Variants in TTC7B observed in about 807,000 individuals in gnomAD.
TTC7B encodes the protein tetratricopeptide repeat protein 7B.
A neutral mutation model predicts 106.8 loss-of-function variants in TTC7B; 28 were observed. The observed-to-expected ratio is 0.26, with a 90% CI of 0.19 to 0.36. The LOEUF is 0.36. Among genes scored for constraint, TTC7B ranks in the 10% least tolerant of loss-of-function variants. The pLI is 1.00. For missense variants in TTC7B, 862 were observed against 1,076.4 expected, an observed-to-expected ratio of 0.80 and a Z score of 2.79; for synonymous variants, 405 against 430.6, an observed-to-expected ratio of 0.94 and a Z score of 0.74.
In TTC7B at chr14:90,540,384, C is replaced by T. The variant is rs1419993818; in HGVS notation, c.*984G>A. 3 of 152,188 alleles carry T rather than the reference C, an allele frequency of 2.0e-5. No individual in the cohort carries two copies. The highest frequency in any genetic ancestry group is 4.8e-5 in the African/African-American group (2 of 41,428). The allele number at this position is 152,188 out of a possible 1,614,324, so 9.4% of individuals were successfully genotyped here. A position where few individuals can be genotyped will look rare whatever the true frequency, so the allele number is the denominator to read the frequency against. On this transcript the variant is annotated 3_prime_UTR_variant, in exon 20 of 20. Transcript: ENST00000328459. ...TCGAGGCTGCAGTGATCTGTGATCGCACCACTGAACTCCAGCCTGGGAAAC... is the reference window on the plus strand; with the variant it reads ...TCGAGGCTGCAGTGATCTGTGATCGTACCACTGAACTCCAGCCTGGGAAAC...
intron 7 of TTC7B, among the ~76,000 whole-genome samples, chr14:90,688,123 T>G (rs984669755): frequency 6.6e-6 from 1 of 152,244 alleles, no homozygotes; most frequent in South Asian, 2.1e-4. Context: ...GAAAAGGTCT[T>G]CAATATTTAT....
At chr14:90,713,855 G>A (rs1335724026) in intron 5 of TTC7B, among the ~76,000 whole-genome samples, 1 of 152,186 alleles carries the variant, frequency 6.6e-6, no homozygotes, top group Non-Finnish European at 1.5e-5. Context: ...AATAATGACA[G>A]CTCCACAATA....
intron 5 of TTC7B, among the ~76,000 whole-genome samples, chr14:90,725,213 G>A (rs1046301694): frequency 6.6e-6 from 1 of 152,214 alleles, no homozygotes; most frequent in Admixed American, 6.5e-5. Context: ...CAGAAGGCCA[G>A]AATGCAAAGG....
intron 19 of TTC7B, among the ~76,000 whole-genome samples, chr14:90,573,789 C>A (rs1013482569): frequency 1.3e-5 from 2 of 152,238 alleles, no homozygotes; most frequent in Admixed American, 1.3e-4. Flanking sequence ...TTTTCTCAAC[C>A]TGTCAAAGGG....
chr14:90,775,516 C>G (rs8018871), intron 3 of TTC7B, among the ~76,000 whole-genome samples: 48,138 of 151,964 alleles, frequency 0.32, 10,738 homozygotes, highest in African/African-American at 0.64. Context: ...TCCACCCCAG[C>G]AGCAGGGAGG....
In TTC7B at chr14:90,537,763, C is replaced by T. The variant is rs2083125261; in HGVS notation, c.*3605G>A. ...AACAGCAGCCCTGCCACTCCCTACA[C>T]CCCTTCCCTGGCTTCATCTTTCTCC... On this transcript the variant is annotated 3_prime_UTR_variant, in exon 20 of 20. Coordinates refer to ENST00000328459, the MANE Select transcript of TTC7B (RefSeq NM_001010854.2). The T allele has an allele frequency of 6.6e-6, 1 of 152,228 alleles. No individual in the cohort carries two copies. The highest frequency in any genetic ancestry group is 1.5e-5 in the Non-Finnish European group (1 of 68,112). 9.4% of individuals were successfully genotyped at this position (152,228 alleles called of 1,614,324 possible).
intron 9 of TTC7B, among the ~76,000 whole-genome samples, chr14:90,660,417 A>AAAAAGAAAAGAAAAG (rs568271088): frequency 4.2e-5 from 5 of 119,428 alleles, no homozygotes; most frequent in Non-Finnish European, 8.4e-5. Context: ...AAAAAAAAAA[A>AAAAAGAAAAGAAAAG]AAAAGAAAAG....
chr14:90,787,547 GTCCTAA>G (rs1392632993), intron 1 of TTC7B, among the ~76,000 whole-genome samples: 1 of 152,100 alleles, frequency 6.6e-6, no homozygotes, highest in East Asian at 1.9e-4. Context: ...TAACATCCTG[GTCCTAA>G]AAAGAAGACT....
intron 15 of TTC7B, among the ~76,000 whole-genome samples, chr14:90,629,794 GC>G (rs377290805): frequency 6.4e-4 from 98 of 152,294 alleles, no homozygotes; most frequent in African/African-American, 2.2e-3. Flanking sequence ...GCCCAGCCTC[GC>G]CTCTCCCAGC....
intron 18 of TTC7B, among the ~76,000 whole-genome samples, chr14:90,584,834 T>A (rs910547352): frequency 2.0e-5 from 3 of 152,010 alleles, no homozygotes; most frequent in African/African-American, 7.2e-5. Flanking sequence ...GATCGCAGGG[T>A]GTCTGCTAGC....
At chr14:90,605,611 C>T (rs770483684) in intron 17 of TTC7B, 70 of 1,283,612 alleles carry the variant, frequency 5.5e-5, no homozygotes, top group Admixed American at 2.6e-4. Context: ...AGAGGGTTCC[C>T]GGCGGGGACC....
chr14:90,555,892 T>C (rs1890278720), intron 19 of TTC7B, among the ~76,000 whole-genome samples: 1 of 152,242 alleles, frequency 6.6e-6, no homozygotes, highest in Non-Finnish European at 1.5e-5. Flanking sequence ...TCCATGCACC[T>C]GGGTGCTGCT....
At chr14:90,642,554 A>C (rs1885227766) in intron 15 of TTC7B, 7 of 152,256 alleles carry the variant, frequency 4.6e-5, no homozygotes, top group Admixed American at 4.6e-4. Flanking sequence ...CTCTGTAGAC[A>C]ATCAGAACCT....
intron 13 of TTC7B, among the ~76,000 whole-genome samples, chr14:90,649,419 G>T (rs925702921): frequency 3.9e-5 from 6 of 152,136 alleles, no homozygotes; most frequent in African/African-American, 1.4e-4. Context: ...AGCCCCTTTG[G>T]TATGCCACAG....
intron 9 of TTC7B, among the ~76,000 whole-genome samples, chr14:90,659,644 G>A (rs1886105178): frequency 1.3e-5 from 2 of 152,276 alleles, no homozygotes; most frequent in East Asian, 1.9e-4. Flanking sequence ...CAGCGGCAAC[G>A]GAGGCCAAGA....
intron 9 of TTC7B, chr14:90,674,977 G>A (rs1406857887): frequency 6.6e-6 from 1 of 152,192 alleles, no homozygotes; most frequent in Non-Finnish European, 1.5e-5. Context: ...AAGTCATCTG[G>A]GTGAAAACAA....
intron 19 of TTC7B, among the ~76,000 whole-genome samples, chr14:90,571,130 T>C (rs1891018273): frequency 6.6e-6 from 1 of 152,236 alleles, no homozygotes; most frequent in Non-Finnish European, 1.5e-5. Flanking sequence ...CCTCTCACTG[T>C]GTACTAGGAG....
Position 90,744,936 on chromosome 14 carries a change from C to A in TTC7B, c.446-14G>T. 6.2e-7 allele frequency: 1 copy of A among 1,611,712 alleles called. No individual in the cohort carries two copies. The highest frequency in any genetic ancestry group is 1.1e-5 in the South Asian group (1 of 90,646). ...CCAAACAAAGTCCTTAAAAAAATAT[C>A]AGACACAAAAACTGAGTGAATTTTT... On this transcript the variant is annotated splice_polypyrimidine_tract_variant and intron_variant, in intron 3 of 19. Transcript: ENST00000328459.
chr14:90,674,999 T>C (rs978208055), intron 9 of TTC7B: 2 of 152,240 alleles, frequency 1.3e-5, no homozygotes, highest in African/African-American at 4.8e-5. Flanking sequence ...GTCCTAGTAT[T>C]CTGTGCCAGG....
Sources: gnomAD v4.1 joint callset for allele counts (sites outside exome capture counted in the v4.1 genomes callset) on GRCh38, gnomAD v4.1.1 for gene constraint, MANE v1.5 for transcripts, NCBI Gene and HGNC (gene_info 2026-07-23, HGNC 2026-07-21) for gene names.